The following ZSWIM2 variants were observed in gnomAD, a reference collection of about 807,000 sequenced individuals.
ZSWIM2 encodes zinc finger SWIM-type containing 2, also known as E3 ubiquitin-protein ligase ZSWIM2.
ZSWIM2 carries 38 observed loss-of-function variants against 48.4 expected under a neutral mutation model. That is an observed-to-expected ratio of 0.79 (90% CI 0.61 to 1.03). The LOEUF is 1.03. Among genes scored for constraint, ZSWIM2 ranks in the 50% least tolerant of loss-of-function variants. The pLI, the probability that ZSWIM2 is intolerant of heterozygous loss-of-function variation, is 0.00. For synonymous variants in ZSWIM2, 240 were observed against 251.3 expected (o/e 0.96, Z 0.42); for missense variants, 776 against 730.2 (o/e 1.06, Z -0.72).
chr2:186,844,498 C>T (rs1028156003), intron 3 of ZSWIM2, among the ~76,000 whole-genome samples: 6 of 151,230 alleles, frequency 4.0e-5, no homozygotes, highest in Non-Finnish European at 4.4e-5. Context: ...TTATTAAGTG[C>T]CTATGAGTTT....
At chr2:186,830,405 A>T (rs1258427115) in intron 7 of ZSWIM2, among the ~76,000 whole-genome samples, 2 of 152,144 alleles carry the variant, frequency 1.3e-5, no homozygotes. Context: ...AGTTTTAAGT[A>T]GTCACATCAA....
Position 186,827,786 on chromosome 2 carries a change from C to T in ZSWIM2, c.*198G>A, listed in dbSNP as rs1691622463. 1 of 374,858 alleles carries T rather than the reference C, an allele frequency of 2.7e-6. No homozygotes were observed. The highest frequency in any genetic ancestry group is 2.1e-5 in the African/African-American group (1 of 48,022). The allele number at this position is 374,858 out of a possible 1,614,324, so 23.2% of individuals were successfully genotyped here. On this transcript the variant is annotated 3_prime_UTR_variant, in exon 9 of 9. Transcript: ENST00000295131. Reference sequence around the variant, plus strand: ...TTATTTATAACATCCTGAATATATTCATGAAGACACCTAATGCTGTAAGTC... The same window carrying T: ...TTATTTATAACATCCTGAATATATTTATGAAGACACCTAATGCTGTAAGTC...
intron 5 of ZSWIM2, among the ~76,000 whole-genome samples, chr2:186,836,647 T>G (rs1691798181): frequency 6.6e-6 from 1 of 152,260 alleles, no homozygotes; most frequent in Admixed American, 6.6e-5. Flanking sequence ...TGTTTTCTTC[T>G]TAATGTACTG....
chr2:186,831,006 T>C (rs959231788), intron 7 of ZSWIM2, among the ~76,000 whole-genome samples: 2 of 152,170 alleles, frequency 1.3e-5, no homozygotes, highest in Non-Finnish European at 2.9e-5. Context: ...AATTAAAATG[T>C]ATATTTTTAG....
intron 7 of ZSWIM2, 43 bp from the exon 8 acceptor site, chr2:186,829,923 A>G: frequency 6.2e-7 from 1 of 1,605,814 alleles, no homozygotes; most frequent in African/African-American, 1.3e-5. Context: ...ACATGTTATT[A>G]TAGATCAGGA....
In ZSWIM2 at chr2:186,828,237, C is replaced by T. The variant is rs769380144; in HGVS notation, c.1649G>A (p.Cys550Tyr). The T allele has an allele frequency of 3.1e-6, 5 of 1,613,428 alleles. No individual in the cohort carries two copies. Among genetic ancestry groups the T allele is most frequent in the African/African-American group, 1.3e-5 (1 of 74,872 alleles). ...SLSRMTKGCKCNNHNLKKTPA... is the reference protein window; with the variant it reads ...SLSRMTKGCKYNNHNLKKTPA... The stretch of plus-strand genomic sequence containing the variant: ...AGTCTTCTTTAGGTTGTGGTTATTA[C>T]ATTTACAGCCTTTGGTCATCCGGCT... The change falls in exon 9 of 9, where the codon TGT (cysteine) becomes TAT (tyrosine). Residue 550 changes from cysteine to tyrosine, a missense_variant. Coordinates refer to ENST00000295131, the MANE Select transcript of ZSWIM2 (RefSeq NM_182521.3).
chr2:186,831,155 C>T (rs900703121), intron 7 of ZSWIM2, among the ~76,000 whole-genome samples: 9 of 152,002 alleles, frequency 5.9e-5, no homozygotes, highest in South Asian at 2.1e-4. Flanking sequence ...TAAGTCCAAC[C>T]GTTAGTTATA....
rs189473808 is a variant in ZSWIM2, at chr2:186,828,140, A to G, written c.1746T>C (p.Asn582=). The G allele has an allele frequency of 2.3e-5, 37 of 1,613,588 alleles. No individual in the cohort carries two copies. The Admixed American group carries it at 2.3e-4, about 10-fold the overall frequency. ...LLPEDFNLIV[N]WSTAKLSLSK... is the part of the protein sequence containing the mutation. ...ACAAACTAAGTTTAGCTGTGCTCCA[A>G]TTGACAATAAGATTGAAATCCTCTG... The change falls in exon 9 of 9, where the codon AAT becomes AAC. Residue 582 remains asparagine (N), a synonymous_variant. Coordinates refer to ENST00000295131, the MANE Select transcript of ZSWIM2 (RefSeq NM_182521.3).
rs777251096 is a variant in ZSWIM2, at chr2:186,828,501, T to C, written c.1385A>G (p.Tyr462Cys). 1.9e-6 allele frequency: 3 copies of C among 1,613,522 alleles called. No individual in the cohort carries two copies. The highest frequency in any genetic ancestry group is 2.5e-6 in the Non-Finnish European group (3 of 1,179,680). Residue 462 changes from tyrosine to cysteine, a missense_variant, in exon 9 of 9, where the codon TAT (tyrosine) becomes TGT (cysteine). Coordinates refer to ENST00000295131, the MANE Select transcript of ZSWIM2 (RefSeq NM_182521.3). ...TAGATTATCTATTGTTGTATTTTCA[T>C]AGGCATCTTTTGGGCTTTGAGGTGT... ...LNTPQSPKDA[Y>C]ENTTIDNLCS...
chr2:186,846,447 G>A (rs914736754), intron 2 of ZSWIM2, among the ~76,000 whole-genome samples: 1 of 151,862 alleles, frequency 6.6e-6, no homozygotes, highest in African/African-American at 2.4e-5. Context: ...TCTTATACAT[G>A]TCATAATGAC....
At chr2:186,836,128 C>T (rs1026774523) in intron 5 of ZSWIM2, among the ~76,000 whole-genome samples, 2 of 152,048 alleles carry the variant, frequency 1.3e-5, no homozygotes, top group African/African-American at 4.8e-5. Context: ...TACACTGTGG[C>T]CCTCACATGT....
chr2:186,829,830 A>G lies in ZSWIM2; in HGVS notation c.992T>C (p.Ile331Thr), dbSNP rs201786712. 53 of 1,613,648 alleles carry G rather than the reference A, an allele frequency of 3.3e-5. No homozygotes were observed. The highest frequency in any genetic ancestry group is 4.4e-5 in the Non-Finnish European group (52 of 1,179,818). ...HIVRSLPLQL[I>T]TKNSKLLAPG... ...AGCAAGCAGCTTACTATTCTTAGTAATCAGTTGGAGAGGCAGTGATCTTAC... is the reference window on the plus strand; with the variant it reads ...AGCAAGCAGCTTACTATTCTTAGTAGTCAGTTGGAGAGGCAGTGATCTTAC... Residue 331 changes from isoleucine to threonine, a missense_variant, in exon 8 of 9, where the codon ATT (isoleucine) becomes ACT (threonine). Ile to Thr is a moderately conservative substitution (Grantham distance 89). Coordinates refer to ENST00000295131, the MANE Select transcript of ZSWIM2 (RefSeq NM_182521.3).
intron 5 of ZSWIM2, among the ~76,000 whole-genome samples, chr2:186,836,609 C>CA (rs945049084): frequency 1.3e-5 from 2 of 151,850 alleles, no homozygotes; most frequent in East Asian, 1.9e-4. Flanking sequence ...TGATACATTT[C>CA]AAAAAAATGT....
intron 8 of ZSWIM2, 119 bp downstream of exon 8, chr2:186,829,608 A>C (rs1691662199): frequency 9.6e-6 from 9 of 937,710 alleles, no homozygotes; most frequent in African/African-American, 1.7e-5. Flanking sequence ...TGTGCTGTGC[A>C]ATGTGAACAC....
At chr2:186,837,231 A>G (rs1691808824) in intron 5 of ZSWIM2, 75 bp downstream of exon 5, 1 of 1,504,612 alleles carries the variant, frequency 6.6e-7, no homozygotes, top group Non-Finnish European at 9.1e-7. Flanking sequence ...CAGAACGGGT[A>G]CTCTAATGCT....
Position 186,845,535 on chromosome 2 carries a change from G to A in ZSWIM2, c.243-778C>T, listed in dbSNP as rs78290311. 9.8e-3 allele frequency among the ~76,000 whole-genome samples: 1,482 copies of A among 151,342 alleles called. 22 individuals carry two copies. The highest frequency in any genetic ancestry group is 0.034 in the African/African-American group (1,425 of 41,442). ...TCGAAATAAAAGAGCAGAAAACTTA[G>A]TAAAAACATTAGAAATAATTATATA... On this transcript the variant is annotated intron_variant, in intron 2 of 8. Transcript: ENST00000295131.
At chr2:186,845,901 C>G (rs943699324) in intron 2 of ZSWIM2, among the ~76,000 whole-genome samples, 9 of 151,500 alleles carry the variant, frequency 5.9e-5, no homozygotes, top group African/African-American at 2.2e-4. Flanking sequence ...ACATCCTATT[C>G]AATAAATAGT....
intron 7 of ZSWIM2, among the ~76,000 whole-genome samples, chr2:186,831,732 G>A (rs1023508721): frequency 4.6e-5 from 7 of 152,008 alleles, no homozygotes; most frequent in South Asian, 2.1e-4. Context: ...GTAGGGACAC[G>A]GATGAAGCTG....
At chr2:186,830,255 G>A (rs1311134519) in intron 7 of ZSWIM2, among the ~76,000 whole-genome samples, 1 of 152,020 alleles carries the variant, frequency 6.6e-6, no homozygotes, top group Non-Finnish European at 1.5e-5. Flanking sequence ...GGTGGCAGGT[G>A]CCTGTAATCA....
Sources: allele counts gnomAD v4.1 joint callset (sites outside exome capture counted in the v4.1 genomes callset), GRCh38; gene constraint gnomAD v4.1.1; transcripts MANE v1.5; gene names NCBI Gene and HGNC (gene_info 2026-07-23, HGNC 2026-07-21).